Variants in STUM observed in about 807,000 individuals in gnomAD.
STUM encodes the protein stum, mechanosensory transduction mediator homolog, also known as protein stum homolog.
Under a neutral mutation model 15.3 loss-of-function variants are expected in STUM, and 8 were observed. The observed-to-expected ratio is 0.52, with a 90% CI of 0.31 to 0.94. STUM has a LOEUF of 0.94. Among genes scored for constraint, STUM ranks in the 40% least tolerant of loss-of-function variants. The pLI is 0.05. For synonymous variants in STUM, 78 were observed against 88.7 expected, an observed-to-expected ratio of 0.88 and a Z score of 0.68; for missense variants, 142 against 204.9, an observed-to-expected ratio of 0.69 and a Z score of 1.87.
chr1:226,570,036 C>T (rs1667682472), intron 1 of STUM, among the ~76,000 whole-genome samples: 1 of 152,192 alleles, frequency 6.6e-6, no homozygotes, highest in African/African-American at 2.4e-5. Flanking sequence ...CTCCTGTCCT[C>T]AGCTCAGCCC....
chr1:226,599,242 A>G (rs1034214174), intron 2 of STUM, among the ~76,000 whole-genome samples: 11 of 152,320 alleles, frequency 7.2e-5, no homozygotes, highest in African/African-American at 2.6e-4. Flanking sequence ...GGCTGAATAC[A>G]AAAACCAGTC....
intron 1 of STUM, among the ~76,000 whole-genome samples, chr1:226,566,898 T>C (rs1460199192): frequency 1.3e-5 from 2 of 152,174 alleles, no homozygotes; most frequent in Non-Finnish European, 2.9e-5. Flanking sequence ...ATAAACATGA[T>C]TTTTGTGGGG....
At position 226,565,511 on chromosome 1, in the gene STUM, AAC is replaced by A. The variant is rs1304337676; in HGVS notation, c.202+16409_202+16410del. Among the ~76,000 whole-genome samples, 1 of 152,120 alleles carries A rather than the reference AAC, an allele frequency of 6.6e-6. No homozygotes were observed. The highest frequency in any genetic ancestry group is 1.5e-5 in the Non-Finnish European group (1 of 68,028). Reference sequence around the variant, plus strand: ...GGTTTTCCTAAAGATGTTGGTTTCTAACACAGTCTTCCTCCTAGAAGCTCTGA... The same window carrying A: ...GGTTTTCCTAAAGATGTTGGTTTCTAACAGTCTTCCTCCTAGAAGCTCTGA... On this transcript the variant is annotated intron_variant, in intron 1 of 3. Transcript: ENST00000366788. The surrounding 1 kb of genome is among the most constrained non-coding windows in gnomAD (Gnocchi z 4.4).
chr1:226,549,166 G>A lies in STUM; in HGVS notation c.202+60G>A. 6.9e-7 allele frequency: 1 copy of A among 1,444,734 alleles called. No individual in the cohort carries two copies. Among genetic ancestry groups the A allele is most frequent in the Non-Finnish European group, 9.4e-7 (1 of 1,067,440 alleles). 89.5% of individuals were successfully genotyped at this position (1,444,734 alleles called of 1,614,324 possible). A position where few individuals can be genotyped will look rare whatever the true frequency, so the allele number is the denominator to read the frequency against. On this transcript the variant is annotated intron_variant, in intron 1 of 3. Transcript: ENST00000366788. This position sits in a 1 kb window ranked among gnomAD's most constrained non-coding sequence, Gnocchi z 6.8. Reference sequence around the variant, plus strand: ...ACCCCGCCGCGGGAGGGCGTGGGGGGAGAGAAGGGCGCGGCCGGAGACCTC... The same window carrying A: ...ACCCCGCCGCGGGAGGGCGTGGGGGAAGAGAAGGGCGCGGCCGGAGACCTC...
chr1:226,564,752 C>T (rs961419151), intron 1 of STUM, among the ~76,000 whole-genome samples: 3 of 152,226 alleles, frequency 2.0e-5, no homozygotes, highest in African/African-American at 7.2e-5. Context: ...AAACGTGCCC[C>T]TTTCTCAAGG....
intron 1 of STUM, among the ~76,000 whole-genome samples, chr1:226,590,607 A>T (rs1293116052): frequency 6.6e-6 from 1 of 152,076 alleles, no homozygotes; most frequent in East Asian, 1.9e-4. Flanking sequence ...CACTACTTGA[A>T]ATTGACACCT....
chr1:226,555,724 G>A (rs1424062574), intron 1 of STUM, among the ~76,000 whole-genome samples: 1 of 152,228 alleles, frequency 6.6e-6, no homozygotes, highest in Non-Finnish European at 1.5e-5. Flanking sequence ...TTAAACACGA[G>A]TGAGTCGGAT....
chr1:226,578,359 C>CTTTTT (rs34568214), intron 1 of STUM, among the ~76,000 whole-genome samples: 10 of 67,278 alleles, frequency 1.5e-4, no homozygotes, highest in Non-Finnish European at 1.8e-4. Flanking sequence ...CAACCCCCAG[C>CTTTTT]TTTTTTTTTT....
At chr1:226,566,865 G>A (rs2102692113) in intron 1 of STUM, among the ~76,000 whole-genome samples, 1 of 152,296 alleles carries the variant, frequency 6.6e-6, no homozygotes. Context: ...GACCTTTACA[G>A]TTGCCATGGC....
chr1:226,564,925 ACAGGTAGGCCAGTGGCTCC>A (rs1378887003), intron 1 of STUM, among the ~76,000 whole-genome samples: 2 of 152,124 alleles, frequency 1.3e-5, no homozygotes, highest in Non-Finnish European at 2.9e-5. Flanking sequence ...AGGAGGCTTG[ACAGGTAGGCCAGTGGCTCC>A]CACTCCCCTG....
rs542335890 is a variant in STUM at position 226,582,456 on chromosome 1, G to T, written c.203-14346G>T. 1.6e-3 allele frequency among the ~76,000 whole-genome samples: 241 copies of T among 152,210 alleles called. 1 individual carries two copies. The highest frequency in any genetic ancestry group is 5.6e-3 in the African/African-American group (234 of 41,526). On this transcript the variant is annotated intron_variant, in intron 1 of 3. Transcript: ENST00000366788. ...AAAAAGTACAAAAAATTAGCTGGGTGTGGTGGCGGGCACCTGTAATCCCAG... is the reference window on the plus strand; with the variant it reads ...AAAAAGTACAAAAAATTAGCTGGGTTTGGTGGCGGGCACCTGTAATCCCAG...
At chr1:226,579,879 C>T (rs574368931) in intron 1 of STUM, among the ~76,000 whole-genome samples, 33 of 152,210 alleles carry the variant, frequency 2.2e-4, no homozygotes, top group Non-Finnish European at 4.4e-4. Flanking sequence ...GGCCTCCCAA[C>T]GTGTTGGGAT....
rs888151849 is a variant in STUM, at chr1:226,604,243, GAC to G, written c.*2207_*2208del. 6.6e-6 allele frequency: 1 copy of G among 152,244 alleles called. No individual in the cohort carries two copies. Among genetic ancestry groups the G allele is most frequent in the African/African-American group, 2.4e-5 (1 of 41,446 alleles). The allele number at this position is 152,244 out of a possible 1,614,324, so 9.4% of individuals were successfully genotyped here. On this transcript the variant is annotated 3_prime_UTR_variant, in exon 4 of 4. Coordinates refer to ENST00000366788, the MANE Select transcript of STUM (RefSeq NM_001003665.4). The surrounding 1 kb of genome is among the most constrained non-coding windows in gnomAD (Gnocchi z 4.7). Reference sequence around the variant, plus strand: ...TAGCAATTTATGTCGCATGTTTAGTGACACAATCCAGATGCAGGTGGGACTTT... The same window carrying G: ...TAGCAATTTATGTCGCATGTTTAGTGACAATCCAGATGCAGGTGGGACTTT...
chr1:226,593,210 C>T (rs1668118656), intron 1 of STUM, among the ~76,000 whole-genome samples: 1 of 151,898 alleles, frequency 6.6e-6, no homozygotes, highest in Non-Finnish European at 1.5e-5. Flanking sequence ...AAAATCCACC[C>T]TGCTGACAAA....
At chr1:226,555,984 T>C (rs1455046951) in intron 1 of STUM, among the ~76,000 whole-genome samples, 1 of 152,248 alleles carries the variant, frequency 6.6e-6, no homozygotes, top group African/African-American at 2.4e-5. Flanking sequence ...ATATAATCAA[T>C]ATGAACATTA....
chr1:226,549,994 C>T lies in STUM; in HGVS notation c.202+888C>T, dbSNP rs1210796607. ...CACCCCCAGGTCTCTGCCTGCACGCCCCTCCCCTCCTCCAGCTTGGCACTG... is the reference window on the plus strand; with the variant it reads ...CACCCCCAGGTCTCTGCCTGCACGCTCCTCCCCTCCTCCAGCTTGGCACTG... On this transcript the variant is annotated intron_variant, in intron 1 of 3. Coordinates refer to ENST00000366788, the MANE Select transcript of STUM (RefSeq NM_001003665.4). The surrounding 1 kb of genome is among the most constrained non-coding windows in gnomAD (Gnocchi z 6.8). 6.6e-6 allele frequency among the ~76,000 whole-genome samples: 1 copy of T among 152,120 alleles called. No homozygotes were observed. Among genetic ancestry groups the T allele is most frequent in the Non-Finnish European group, 1.5e-5 (1 of 68,012 alleles).
intron 1 of STUM, among the ~76,000 whole-genome samples, chr1:226,553,243 G>A (rs531730849): frequency 1.1e-4 from 17 of 152,282 alleles, no homozygotes; most frequent in Admixed American, 3.9e-4. Context: ...AAGGAAAGAG[G>A]TCTCCGAAGG....
chr1:226,584,129 A>C (rs550487298), intron 1 of STUM, among the ~76,000 whole-genome samples: 1 of 152,202 alleles, frequency 6.6e-6, no homozygotes, highest in African/African-American at 2.4e-5. Context: ...ACTCAAAACC[A>C]GGGTGACTCG....
intron 1 of STUM, among the ~76,000 whole-genome samples, chr1:226,576,869 C>T (rs1667823706): frequency 6.6e-6 from 1 of 152,184 alleles, no homozygotes. Context: ...ATTTAATAAA[C>T]CCTTATGAAA....
Sources: allele counts gnomAD v4.1 joint callset (sites outside exome capture counted in the v4.1 genomes callset), GRCh38; gene constraint gnomAD v4.1.1; non-coding constraint Gnocchi (gnomAD v3.1); transcripts MANE v1.5; gene names NCBI Gene and HGNC (gene_info 2026-07-23, HGNC 2026-07-21).